Variants in SLC12A8 observed in about 807,000 individuals in gnomAD.
SLC12A8 encodes solute carrier family 12 member 8, also known as cation-chloride cotransporter 9.
SLC12A8 carries 69 observed loss-of-function variants against 75.6 expected under a neutral mutation model. That is an observed-to-expected ratio of 0.91 (90% CI 0.75 to 1.11). The LOEUF (loss-of-function observed/expected upper bound fraction) is 1.11, where lower values mean the gene tolerates loss of function less well. Among genes scored for constraint, SLC12A8 ranks in the 50% most tolerant of loss-of-function variants. The pLI is 0.00. For missense variants in SLC12A8, 877 were observed against 896.7 expected (o/e 0.98, Z 0.28); for synonymous variants, 365 against 372.8 (o/e 0.98, Z 0.24).
chr3:125,144,771 G>T (rs977977275), intron 5 of SLC12A8, among the ~76,000 whole-genome samples: 1 of 152,182 alleles, frequency 6.6e-6, no homozygotes, highest in South Asian at 2.1e-4. Flanking sequence ...AGCTGGTCAA[G>T]AAGTCTTCCC....
intron 13 of SLC12A8, among the ~76,000 whole-genome samples, chr3:125,087,189 G>A (rs1938481875): frequency 1.3e-5 from 2 of 151,318 alleles, no homozygotes; most frequent in South Asian, 4.2e-4. Context: ...CTGCCTCTCG[G>A]GTTCAAGCGA....
At position 125,091,535 on chromosome 3, in the gene SLC12A8, T is replaced by C. The variant is rs756177540; in HGVS notation, c.1825A>G (p.Met609Val). 29 of 1,613,548 alleles carry C rather than the reference T, an allele frequency of 1.8e-5. No individual in the cohort carries two copies. The highest frequency in any genetic ancestry group is 2.4e-5 in the Non-Finnish European group (28 of 1,179,668). Reference protein sequence around the residue: ...LLGAVGSLLIMFVIQWVYTLV... With the variant: ...LLGAVGSLLIVFVIQWVYTLV... ...GTATACACCCACTGTATCACAAACA[T>C]GATGAGAAGGGACCCAACAGCCTGT... is the stretch of plus-strand genomic sequence containing the variant. Residue 609 changes from methionine to valine, a missense_variant, in exon 12 of 14, where the codon ATG becomes GTG. Transcript: ENST00000469902.
intron 6 of SLC12A8, among the ~76,000 whole-genome samples, chr3:125,131,116 T>G (rs1026314602): frequency 6.6e-6 from 1 of 152,208 alleles, no homozygotes; most frequent in African/African-American, 2.4e-5. Flanking sequence ...ATTCCCTCTG[T>G]TTTTCCCTTT....
chr3:125,115,296 T>C (rs1031266623), intron 8 of SLC12A8, among the ~76,000 whole-genome samples: 1 of 151,762 alleles, frequency 6.6e-6, no homozygotes, highest in African/African-American at 2.4e-5. Context: ...CTGAGGCGGG[T>C]GGATCACCTG....
intron 8 of SLC12A8, among the ~76,000 whole-genome samples, chr3:125,113,246 G>A (rs372831187): frequency 3.0e-4 from 46 of 152,186 alleles, no homozygotes; most frequent in African/African-American, 1.1e-3. Context: ...CTAGGAGCTG[G>A]GGTCAGACAG....
At position 125,166,233 on chromosome 3, in the gene SLC12A8, C is replaced by T. The variant is rs200547787; in HGVS notation, c.622+11510G>A. On this transcript the variant is annotated intron_variant, in intron 5 of 13. Coordinates refer to ENST00000469902, the MANE Select transcript of SLC12A8 (RefSeq NM_024628.6). ...CACACCTGTTCCAGCTGCCATGTTCCTCCCGAGTCCCAGAACGTGAAGCCA... is the reference window on the plus strand; with the variant it reads ...CACACCTGTTCCAGCTGCCATGTTCTTCCCGAGTCCCAGAACGTGAAGCCA... Among the ~76,000 whole-genome samples, 7 of 152,218 alleles carry T rather than the reference C, an allele frequency of 4.6e-5. No homozygotes were observed. In the East Asian group the frequency reaches 1.4e-3, roughly 29 times the overall value.
chr3:125,134,253 C>G (rs949250238), intron 6 of SLC12A8, among the ~76,000 whole-genome samples: 4 of 129,472 alleles, frequency 3.1e-5, no homozygotes, highest in Admixed American at 8.5e-5. Flanking sequence ...AGGCATGCAC[C>G]ACCATGCCAG....
intron 10 of SLC12A8, among the ~76,000 whole-genome samples, chr3:125,092,466 A>AT (rs1364424849): frequency 2.0e-5 from 3 of 152,168 alleles, no homozygotes; most frequent in Admixed American, 6.5e-5. Flanking sequence ...CATCTGGGGC[A>AT]ACTGGAAGCT....
chr3:125,175,568 A>C (rs1175522460), intron 5 of SLC12A8, among the ~76,000 whole-genome samples: 1 of 152,216 alleles, frequency 6.6e-6, no homozygotes, highest in Non-Finnish European at 1.5e-5. Context: ...GTTTCAAAGA[A>C]GCCAGTAGCA....
At chr3:125,105,896 G>A (rs1021126169) in intron 10 of SLC12A8, among the ~76,000 whole-genome samples, 5 of 152,128 alleles carry the variant, frequency 3.3e-5, no homozygotes, top group African/African-American at 1.2e-4. Flanking sequence ...TGGGTGTGGT[G>A]GTGGGTCCCT....
Position 125,107,638 on chromosome 3 carries a change from A to G in SLC12A8, c.1548T>C (p.Pro516=). The change falls in exon 10 of 14, where the codon CCT becomes CCC. Residue 516 remains proline, a synonymous_variant. Transcript: ENST00000469902. ...LLDLKSPPSF[P]VEISDRLPAA... is the part of the protein sequence containing the mutation. ...CGGGCAACCTGTCAGAGATCTCGAC[A>G]GGGAAAGAAGGAGGGGATTTGAGGT... 1.2e-6 allele frequency: 2 copies of G among 1,614,162 alleles called. No homozygotes were observed. The highest frequency in any genetic ancestry group is 8.5e-7 in the Non-Finnish European group (1 of 1,180,016).
Position 125,187,349 on chromosome 3 carries a change from A to G in SLC12A8, c.278T>C (p.Ile93Thr), listed in dbSNP as rs1270708523. The change falls in exon 4 of 14, where the codon ATT becomes ACT. Residue 93 changes from isoleucine to threonine, a missense_variant. Physicochemically the swap from Ile to Thr is moderately conservative, Grantham distance 89. Transcript: ENST00000469902. ...LVALVTVLSG[I>T]GVGERSSIGS... ...GATGCTGCTGCGCTCCCCGACGCCA[A>G]TGCCAGACAGCACCGTGACGAGGGC... The G allele has an allele frequency of 1.9e-6, 3 of 1,614,214 alleles. No individual in the cohort carries two copies. Among genetic ancestry groups the G allele is most frequent in the African/African-American group, 1.3e-5 (1 of 75,052 alleles).
chr3:125,097,144 C>T (rs112550467), intron 10 of SLC12A8, among the ~76,000 whole-genome samples: 1,815 of 152,086 alleles, frequency 0.012, 14 homozygotes, highest in Non-Finnish European at 0.02. Context: ...CAGCACTTTG[C>T]GAGGCCAAGG....
intron 12 of SLC12A8, 53 bp downstream of exon 12, chr3:125,091,381 TCCCAA>T: frequency 8.8e-7 from 1 of 1,134,420 alleles, no homozygotes. Flanking sequence ...ATCTTTTTTT[TCCCAA>T]TGAATGGTAG....
intron 8 of SLC12A8, 152 bp from the exon 9 acceptor site, chr3:125,110,487 C>A: frequency 3.1e-6 from 2 of 638,018 alleles, no homozygotes; most frequent in South Asian, 5.0e-5. Flanking sequence ...CCCAGCCTCG[C>A]CCCCATTCAT....
chr3:125,150,400 TA>T (rs1353132363), intron 5 of SLC12A8, among the ~76,000 whole-genome samples: 1 of 152,190 alleles, frequency 6.6e-6, no homozygotes, highest in Non-Finnish European at 1.5e-5. Context: ...CAAAGACAGG[TA>T]ACAATGTGTG....
chr3:125,090,621 G>T (rs1415419160), intron 12 of SLC12A8, among the ~76,000 whole-genome samples: 1 of 152,140 alleles, frequency 6.6e-6, no homozygotes. Flanking sequence ...TAAATGTTAA[G>T]CTTTGTTATG....
In SLC12A8 at chr3:125,125,473, C is replaced by T. The variant is rs146010876; in HGVS notation, c.737-4787G>A. On this transcript the variant is annotated intron_variant, in intron 6 of 13. Transcript: ENST00000469902. Reference sequence around the variant, plus strand: ...ACTTGGGAGGCTGAGGCAGGAAAATCGCTTGAATCTGGGAGGCGTAGGTTG... The same window carrying T: ...ACTTGGGAGGCTGAGGCAGGAAAATTGCTTGAATCTGGGAGGCGTAGGTTG... Among the ~76,000 whole-genome samples, 620 of 152,256 alleles carry T rather than the reference C, an allele frequency of 4.1e-3. 6 individuals carry two copies. Among genetic ancestry groups the T allele is most frequent in the African/African-American group, 0.014 (596 of 41,544 alleles).
chr3:125,120,580 T>G lies in SLC12A8; in HGVS notation c.824+19A>C, dbSNP rs775456275. On this transcript the variant is annotated intron_variant, in intron 7 of 13. Transcript: ENST00000469902. The stretch of plus-strand genomic sequence containing the variant: ...CTCCCACTCTCTAGCTCAGACTGAT[T>G]GCCATGAGGGGAACTTACGAGATGC... The G allele has an allele frequency of 6.3e-7, 1 of 1,588,216 alleles. No individual in the cohort carries two copies. Among genetic ancestry groups the G allele is most frequent in the Admixed American group, 1.7e-5 (1 of 59,762 alleles).
Sources: allele counts gnomAD v4.1 joint callset (sites outside exome capture counted in the v4.1 genomes callset), GRCh38; gene constraint gnomAD v4.1.1; transcripts MANE v1.5; gene names NCBI Gene and HGNC (gene_info 2026-07-23, HGNC 2026-07-21).